Variants in KIF1A observed in about 807,000 individuals in gnomAD.
KIF1A encodes kinesin-like protein KIF1A.
Under a neutral mutation model 227.3 loss-of-function variants are expected in KIF1A, and 46 were observed. The observed-to-expected ratio is 0.20, with a 90% CI of 0.16 to 0.26. KIF1A has a LOEUF of 0.26. Among genes scored for constraint, KIF1A ranks in the 10% least tolerant of loss-of-function variants. The pLI, the probability that KIF1A is intolerant of heterozygous loss-of-function variation, is 1.00. For missense variants in KIF1A, 1,683 were observed against 2,485.9 expected, an observed-to-expected ratio of 0.68 and a Z score of 6.87; for synonymous variants, 1,022 against 1,012.8, an observed-to-expected ratio of 1.01 and a Z score of -0.17.
chr2:240,777,943 G>A (rs992493419), intron 10 of KIF1A, among the ~76,000 whole-genome samples: 10 of 152,242 alleles, frequency 6.6e-5, no homozygotes, highest in African/African-American at 1.7e-4. Context: ...GTTCCCACGC[G>A]GTGCTTCCAC....
At chr2:240,782,907 T>G in intron 9 of KIF1A, 137 bp downstream of exon 9, 1 of 772,466 alleles carries the variant, frequency 1.3e-6, no homozygotes, top group East Asian at 2.6e-5. Context: ...CATGTGACAC[T>G]CTGGCCATCT....
At chr2:240,768,756 A>T (rs1186014461) in intron 17 of KIF1A, among the ~76,000 whole-genome samples, 1 of 152,186 alleles carries the variant, frequency 6.6e-6, no homozygotes, top group Non-Finnish European at 1.5e-5. Context: ...GAGTTCCAAG[A>T]AGGCAGCTGG....
chr2:240,797,877 G>A, intron 1 of KIF1A, 65 bp from the exon 2 acceptor site: 5 of 631,434 alleles, frequency 7.9e-6, no homozygotes, highest in Non-Finnish European at 1.4e-5. Context: ...CACTCCGGCT[G>A]CAGCTGAAGC....
chr2:240,765,465 G>T (rs144116839), intron 20 of KIF1A, among the ~76,000 whole-genome samples: 36 of 152,260 alleles, frequency 2.4e-4, no homozygotes, highest in African/African-American at 8.0e-4. Context: ...CCACAGCACG[G>T]ACTCAGTGTC....
intron 1 of KIF1A, among the ~76,000 whole-genome samples, chr2:240,804,826 A>G (rs2126189390): frequency 1.3e-5 from 2 of 152,204 alleles, no homozygotes; most frequent in Middle Eastern, 6.8e-3. Context: ...CTCAGGAGTT[A>G]GGCCCCAAAG....
intron 40 of KIF1A, 123 bp from the exon 41 acceptor site, chr2:240,724,159 G>A: frequency 1.2e-6 from 1 of 831,034 alleles, no homozygotes; most frequent in South Asian, 1.4e-5. Context: ...GTGATGGGGT[G>A]TTGAGGTCCC....
intron 25 of KIF1A, among the ~76,000 whole-genome samples, chr2:240,759,622 G>C (rs142730739): frequency 6.6e-6 from 1 of 151,758 alleles, no homozygotes; most frequent in East Asian, 1.9e-4. Flanking sequence ...AGGGTGGGGC[G>C]TGCCATGCTC....
chr2:240,812,501 A>G (rs888828656), intron 1 of KIF1A, among the ~76,000 whole-genome samples: 2 of 150,628 alleles, frequency 1.3e-5, no homozygotes, highest in African/African-American at 4.9e-5. Context: ...ATCTGCCTTC[A>G]CCTTGGGGAT....
In KIF1A at chr2:240,719,908, G is replaced by A. The variant is rs1194796961; in HGVS notation, c.4887C>T (p.Ser1629=). ...GCTCGGGCTCTGGGCTGGCTGGCCG[G>A]GAGCAGGGCTGCGGGGTCCTGGGAA... ...ATDLRTPQPC[S]RPASPEPELL... Residue 1629 remains serine, a synonymous_variant, in exon 46 of 49, where the codon TCC becomes TCT. Coordinates refer to ENST00000498729, the MANE Select transcript of KIF1A (RefSeq NM_001244008.2). 1 of 1,610,574 alleles carries A rather than the reference G, an allele frequency of 6.2e-7. No homozygotes were observed. The highest frequency in any genetic ancestry group is 2.2e-5 in the East Asian group (1 of 44,844).
intron 1 of KIF1A, among the ~76,000 whole-genome samples, chr2:240,800,327 T>C (rs566901178): frequency 5.3e-5 from 8 of 152,206 alleles, no homozygotes; most frequent in East Asian, 3.9e-4. Context: ...CCACGAAGCA[T>C]GGAAGGCGAA....
rs1274892684 is a variant in KIF1A, at chr2:240,757,441, C to A, written c.2736G>T (p.Glu912Asp). Residue 912 changes from glutamate to aspartate, a missense_variant, in exon 27 of 49, where the codon GAG (glutamate) becomes GAT (aspartate). Glu to Asp is a conservative substitution (Grantham distance 45). Around this residue, in one of 12 missense-constraint regions of KIF1A, gnomAD observed 759 missense variants for 1,020.2 expected, o/e 0.74. Transcript: ENST00000498729. This position sits in a 1 kb window ranked among gnomAD's most constrained non-coding sequence, Gnocchi z 6.2. ...CCTCCTCATCCTCCTCCTCCTCCTC[C>A]TCCTCCTCCTCCTCCCCCACGCTCT... ...EEQSVGEEEE[E>D]EEEEEDEEEE... is the part of the protein sequence containing the mutation. 1.3e-6 allele frequency: 2 copies of A among 1,549,436 alleles called. No homozygotes were observed. The highest frequency in any genetic ancestry group is 2.7e-5 in the African/African-American group (2 of 73,006).
At chr2:240,783,217 C>G (rs965937360) in intron 8 of KIF1A, 108 bp from the exon 9 acceptor site, 11 of 860,160 alleles carry the variant, frequency 1.3e-5, no homozygotes, top group Non-Finnish European at 2.0e-5. Flanking sequence ...GAGGCCACCA[C>G]TGCAGCTGCT....
chr2:240,785,234 C>T (rs2054582445), intron 6 of KIF1A, 134 bp from the exon 7 acceptor site: 4 of 709,116 alleles, frequency 5.6e-6, no homozygotes, highest in Non-Finnish European at 9.5e-6. Context: ...CCCTGCTGGG[C>T]CTGGCACTGA....
rs1043722300 is a variant in KIF1A at position 240,739,107 on chromosome 2, G to C, written c.3901+951C>G. On this transcript the variant is annotated intron_variant, in intron 37 of 48. Transcript: ENST00000498729. This position sits in a 1 kb window ranked among gnomAD's most constrained non-coding sequence, Gnocchi z 5.6. ...TTGTAAAACATAAGCATGTATCCTG[G>C]TGTACCTGGAACCTCCTGTCTACAG... 1.3e-5 allele frequency among the ~76,000 whole-genome samples: 2 copies of C among 152,210 alleles called. No individual in the cohort carries two copies. The highest frequency in any genetic ancestry group is 4.8e-5 in the African/African-American group (2 of 41,438).
At chr2:240,812,398 T>C (rs1354010205) in intron 1 of KIF1A, among the ~76,000 whole-genome samples, 1 of 152,196 alleles carries the variant, frequency 6.6e-6, no homozygotes, top group Non-Finnish European at 1.5e-5. Flanking sequence ...GAGAGGCCCA[T>C]GCTGCAGAGC....
At chr2:240,774,100 G>A in intron 12 of KIF1A, 83 bp downstream of exon 12, 6 of 864,020 alleles carry the variant, frequency 6.9e-6, no homozygotes, top group Non-Finnish European at 9.3e-6. Flanking sequence ...CTGGTCACTG[G>A]TGCTTCCTAA....
chr2:240,767,132 C>A, intron 18 of KIF1A, 111 bp from the exon 19 acceptor site: 1 of 1,125,334 alleles, frequency 8.9e-7, no homozygotes, highest in Non-Finnish European at 1.3e-6. Flanking sequence ...ACACCCAGCG[C>A]AGACATCAGT....
chr2:240,817,243 G>A (rs1397471971), intron 1 of KIF1A, among the ~76,000 whole-genome samples: 1 of 152,222 alleles, frequency 6.6e-6, no homozygotes, highest in East Asian at 1.9e-4. Context: ...CCATGGACAG[G>A]TTCGGGGCAG....
chr2:240,717,012 G>A lies in KIF1A; in HGVS notation c.*352C>T, dbSNP rs1268015187. 1 of 274,564 alleles carries A rather than the reference G, an allele frequency of 3.6e-6. No homozygotes were observed. The highest frequency in any genetic ancestry group is 6.4e-5 in the East Asian group (1 of 15,542). The allele number at this position is 274,564 out of a possible 1,614,324, so 17.0% of individuals were successfully genotyped here. A position where few individuals can be genotyped will look rare whatever the true frequency, so the allele number is the denominator to read the frequency against. ...AAGTCTTATAGTTAATTTCCGAGTT[G>A]ACTGTTTCAATGTCACTAACTAACG... On this transcript the variant is annotated 3_prime_UTR_variant, in exon 49 of 49. Coordinates refer to ENST00000498729, the MANE Select transcript of KIF1A (RefSeq NM_001244008.2).
Sources: allele counts gnomAD v4.1 joint callset (sites outside exome capture counted in the v4.1 genomes callset), GRCh38; gene constraint gnomAD v4.1.1; regional missense constraint gnomAD v4.1.1; non-coding constraint Gnocchi (gnomAD v3.1); transcripts MANE v1.5; gene names NCBI Gene and HGNC (gene_info 2026-07-23, HGNC 2026-07-21).